The following ATP2B4 variants were observed in gnomAD, a reference collection of about 807,000 sequenced individuals.
ATP2B4 encodes ATPase plasma membrane Ca2+ transporting 4.
ATP2B4 carries 39 observed loss-of-function variants against 110.3 expected under a neutral mutation model. That is an observed-to-expected ratio of 0.35 (90% CI 0.27 to 0.46). The LOEUF is 0.46. Among genes scored for constraint, ATP2B4 ranks in the 20% least tolerant of loss-of-function variants. The pLI is 1.00. For missense variants in ATP2B4, 1,135 were observed against 1,530.9 expected (o/e 0.74, Z 4.32); for synonymous variants, 538 against 571.7 (o/e 0.94, Z 0.84).
intron 1 of ATP2B4, among the ~76,000 whole-genome samples, chr1:203,655,667 A>T (rs113666006): frequency 0.012 from 1,860 of 152,080 alleles, 26 homozygotes; most frequent in African/African-American, 0.037. Flanking sequence ...ATAATAATAA[A>T]TAAAATAAGA....
intron 1 of ATP2B4, among the ~76,000 whole-genome samples, chr1:203,658,462 T>C (rs1366762380): frequency 6.6e-6 from 1 of 150,936 alleles, no homozygotes; most frequent in Non-Finnish European, 1.5e-5. Flanking sequence ...GCCCAGGAGA[T>C]TCAGTCCGCA....
rs551638105 is a variant in ATP2B4 at position 203,676,294 on chromosome 1, C to A, written c.-464-6448C>A. On this transcript the variant is annotated intron_variant, in intron 1 of 20. Coordinates refer to ENST00000357681, the MANE Select transcript of ATP2B4 (RefSeq NM_001684.5). Reference sequence around the variant, plus strand: ...CATTTAAGGAGCAATTAGGGCAGGGCAGACATGGGGAGGGGAGGAAGAACC... The same window carrying A: ...CATTTAAGGAGCAATTAGGGCAGGGAAGACATGGGGAGGGGAGGAAGAACC... 2.0e-4 allele frequency among the ~76,000 whole-genome samples: 30 copies of A among 152,270 alleles called. No homozygotes were observed. In the East Asian group the frequency reaches 4.6e-3, roughly 24 times the overall value.
intron 8 of ATP2B4, 45 bp from the exon 9 acceptor site, chr1:203,706,964 G>A (rs1370610222): frequency 6.4e-7 from 1 of 1,551,706 alleles, no homozygotes; most frequent in Non-Finnish European, 8.9e-7. Context: ...AGGGCCCTAG[G>A]ACTGCCCTCC....
chr1:203,711,204 C>T, intron 12 of ATP2B4, 96 bp downstream of exon 12: 1 of 1,134,180 alleles, frequency 8.8e-7, no homozygotes, highest in Non-Finnish European at 1.3e-6. Flanking sequence ...CTGCCTCTCA[C>T]TTAGAGGGAT....
intron 15 of ATP2B4, among the ~76,000 whole-genome samples, chr1:203,719,225 G>GAAAAAAAAAAAAAAAAAAAAAAAAAA (rs60841821): frequency 3.7e-5 from 2 of 54,410 alleles, no homozygotes; most frequent in African/African-American, 1.5e-4. Context: ...ACCCTGTCTC[G>GAAAAAAAAAAAAAAAAAAAAAAAAAA]AAAAAAAAAA....
chr1:203,677,122 TAAG>T lies in ATP2B4; in HGVS notation c.-464-5616_-464-5614del, dbSNP rs1664851813. 2.0e-5 allele frequency among the ~76,000 whole-genome samples: 3 copies of T among 152,122 alleles called. No individual in the cohort carries two copies. In the South Asian group the frequency reaches 6.2e-4, roughly 32 times the overall value. On this transcript the variant is annotated intron_variant, in intron 1 of 20. Transcript: ENST00000357681. ...TCTCTGAATCTATATTTCCCTGCTA[TAAG>T]AAGGAGAGGTCCTTCTTATAGGGTT...
At chr1:203,709,140 G>A (rs935820356) in intron 10 of ATP2B4, among the ~76,000 whole-genome samples, 161 bp from the exon 11 acceptor site, 13 of 152,186 alleles carry the variant, frequency 8.5e-5, no homozygotes, top group African/African-American at 3.1e-4. Context: ...CTGGGCAACA[G>A]AGCGAGACTC....
chr1:203,669,134 T>A (rs1410797316), intron 1 of ATP2B4, among the ~76,000 whole-genome samples: 1 of 152,090 alleles, frequency 6.6e-6, no homozygotes, highest in African/African-American at 2.4e-5. Flanking sequence ...GTTGAAGTGG[T>A]GTTTAAAGTG....
chr1:203,657,811 C>T (rs1236745475), intron 1 of ATP2B4: 1 of 543,424 alleles, frequency 1.8e-6, no homozygotes, highest in African/African-American at 2.0e-5. Context: ...CGAAAACACT[C>T]TCAATTTTAA....
At chr1:203,699,981 G>A (rs1164909658) in intron 4 of ATP2B4, among the ~76,000 whole-genome samples, 1 of 152,142 alleles carries the variant, frequency 6.6e-6, no homozygotes, top group East Asian at 1.9e-4. Flanking sequence ...GAAAGGTGTT[G>A]GGGATGAATA....
At chr1:203,701,419 C>A (rs1665689511) in intron 6 of ATP2B4, among the ~76,000 whole-genome samples, 1 of 152,172 alleles carries the variant, frequency 6.6e-6, no homozygotes, top group Non-Finnish European at 1.5e-5. Context: ...CAGTCTTTGC[C>A]ACTCAGTTAT....
At chr1:203,711,897 AG>A (rs1461353107) in intron 12 of ATP2B4, 62 bp from the exon 13 acceptor site, 4 of 1,558,310 alleles carry the variant, frequency 2.6e-6, no homozygotes, top group Non-Finnish European at 2.6e-6. Context: ...ACAGACAAAC[AG>A]GGACAGCTTA....
At chr1:203,719,657 G>A (rs6699779) in intron 15 of ATP2B4, among the ~76,000 whole-genome samples, 33,157 of 151,658 alleles carry the variant, frequency 0.22, 4,177 homozygotes, top group East Asian at 0.6. Flanking sequence ...AGAGGTAGCA[G>A]TGAGCTGAGA....
At chr1:203,681,301 G>A (rs916895446) in intron 1 of ATP2B4, among the ~76,000 whole-genome samples, 2 of 152,104 alleles carry the variant, frequency 1.3e-5, no homozygotes, top group Non-Finnish European at 2.9e-5. Flanking sequence ...GTCAGGAATC[G>A]GCAAAGACTT....
intron 1 of ATP2B4, among the ~76,000 whole-genome samples, chr1:203,665,129 T>G (rs1370253802): frequency 1.3e-5 from 2 of 152,208 alleles, no homozygotes; most frequent in Admixed American, 1.3e-4. Flanking sequence ...CTTAAGGTAC[T>G]TTTAAAGATT....
chr1:203,675,077 C>T (rs1315374321), intron 1 of ATP2B4, among the ~76,000 whole-genome samples: 2 of 152,118 alleles, frequency 1.3e-5, no homozygotes, highest in Non-Finnish European at 2.9e-5. Context: ...ACAGCCGTGC[C>T]CTCCCAGGCA....
chr1:203,698,011 T>C lies in ATP2B4; in HGVS notation c.194-146T>C, dbSNP rs1395259114. 7 of 699,054 alleles carry C rather than the reference T, an allele frequency of 1.0e-5. No homozygotes were observed. In the East Asian group the frequency reaches 1.4e-4, roughly 14 times the overall value. The allele number at this position is 699,054 out of a possible 1,614,324, so 43.3% of individuals were successfully genotyped here. ...TGAGATACCATGCCTGGCCTCTTTA[T>C]TTTATTTATTTTTGAGACAGCGTCT... is the stretch of plus-strand genomic sequence containing the variant. On this transcript the variant is annotated intron_variant, in intron 2 of 20. Transcript: ENST00000357681.
At chr1:203,725,764 C>T (rs975127005) in intron 19 of ATP2B4, among the ~76,000 whole-genome samples, 10 of 152,178 alleles carry the variant, frequency 6.6e-5, no homozygotes, top group African/African-American at 2.2e-4. Context: ...TGTCCAGCCA[C>T]CCAGGTAATG....
chr1:203,720,795 C>A, intron 16 of ATP2B4, 55 bp downstream of exon 16: 1 of 1,551,990 alleles, frequency 6.4e-7, no homozygotes, highest in Non-Finnish European at 8.7e-7. Context: ...GGCTAAGGAA[C>A]ATGGAGTGAA....
Sources: allele counts gnomAD v4.1 joint callset (sites outside exome capture counted in the v4.1 genomes callset), GRCh38; gene constraint gnomAD v4.1.1; transcripts MANE v1.5; gene names NCBI Gene and HGNC (gene_info 2026-07-23, HGNC 2026-07-21).